Variants in CDK5 observed in about 807,000 individuals in gnomAD.
CDK5 encodes cyclin dependent kinase 5, also known as cyclin-dependent kinase 5.
CDK5 carries 18 observed loss-of-function variants against 44.6 expected under a neutral mutation model. That is an observed-to-expected ratio of 0.40 (90% CI 0.28 to 0.60). The LOEUF (loss-of-function observed/expected upper bound fraction) is 0.60, where lower values mean the gene tolerates loss of function less well. CDK5 is among the 20% of genes least tolerant of loss of function. CDK5 has a pLI of 0.38. For missense variants in CDK5, 198 were observed against 368.1 expected (o/e 0.54, Z 3.78); for synonymous variants, 143 against 152.8 (o/e 0.94, Z 0.47).
chr7:151,054,919 C>A lies in CDK5; in HGVS notation c.650+108G>T. 1.8e-6 allele frequency: 2 copies of A among 1,093,828 alleles called. No individual in the cohort carries two copies. The highest frequency in any genetic ancestry group is 1.3e-5 in the South Asian group (1 of 74,988). 67.8% of individuals were successfully genotyped at this position (1,093,828 alleles called of 1,614,324 possible). Reference sequence around the variant, plus strand: ...CCCCTTGCCCTCAGGAGAAGCCCTACAGACCCCATCACCCTACCCCACACC... The same window carrying A: ...CCCCTTGCCCTCAGGAGAAGCCCTAAAGACCCCATCACCCTACCCCACACC... On this transcript the variant is annotated intron_variant, in intron 9 of 11. Coordinates refer to ENST00000485972, the MANE Select transcript of CDK5 (RefSeq NM_004935.4). This position sits in a 1 kb window ranked among gnomAD's most constrained non-coding sequence, Gnocchi z 5.7.
chr7:151,055,152 G>A lies in CDK5; in HGVS notation c.581-56C>T, dbSNP rs560617148. 22 of 1,583,760 alleles carry A rather than the reference G, an allele frequency of 1.4e-5. No homozygotes were observed. The South Asian group carries it at 1.8e-4, about 13-fold the overall frequency. The stretch of plus-strand genomic sequence containing the variant: ...CATGTGAAGGACCCCTCACTCTGAG[G>A]TACCCCCTGACCTTCCAGCTCCAGT... On this transcript the variant is annotated intron_variant, in intron 8 of 11. Transcript: ENST00000485972.
Position 151,057,665 on chromosome 7 carries a change from C to A in CDK5, c.37+147G>T. On this transcript the variant is annotated intron_variant, in intron 1 of 11. Coordinates refer to ENST00000485972, the MANE Select transcript of CDK5 (RefSeq NM_004935.4). The surrounding 1 kb of genome is among the most constrained non-coding windows in gnomAD (Gnocchi z 5.2). ...AACACGGGGAAGACTGGTGTCTGCA[C>A]GGAGTGCTGAGCTAGGGGGCCAGGG... 1 of 833,880 alleles carries A rather than the reference C, an allele frequency of 1.2e-6. No homozygotes were observed. Among genetic ancestry groups the A allele is most frequent in the Non-Finnish European group, 2.0e-6 (1 of 502,048 alleles). The allele number at this position is 833,880 out of a possible 1,614,324, so 51.7% of individuals were successfully genotyped here. A position where few individuals can be genotyped will look rare whatever the true frequency, so the allele number is the denominator to read the frequency against.
At chr7:151,055,223 A>G (rs1007145014) in intron 8 of CDK5, 54 bp downstream of exon 8, 19 of 1,577,572 alleles carry the variant, frequency 1.2e-5, no homozygotes, top group Middle Eastern at 1.7e-4. Flanking sequence ...TCCAGACCCT[A>G]TTTGTCAACT....
At position 151,057,699 on chromosome 7, in the gene CDK5, G is replaced by A; in HGVS notation, c.37+113C>T. ...GAGCTAGGGGGCCAGGGCTGCAGCCGCTGCTGAGATCGGAGCCTGTAGGCA... is the reference window on the plus strand; with the variant it reads ...GAGCTAGGGGGCCAGGGCTGCAGCCACTGCTGAGATCGGAGCCTGTAGGCA... On this transcript the variant is annotated intron_variant, in intron 1 of 11. Transcript: ENST00000485972. The surrounding 1 kb of genome is among the most constrained non-coding windows in gnomAD (Gnocchi z 5.2). 4 of 1,179,066 alleles carry A rather than the reference G, an allele frequency of 3.4e-6. No individual in the cohort carries two copies. Among genetic ancestry groups the A allele is most frequent in the South Asian group, 2.6e-5 (2 of 76,878 alleles). The allele number at this position is 1,179,066 out of a possible 1,614,324, so 73.0% of individuals were successfully genotyped here.
In CDK5 at chr7:151,056,665, G is replaced by A. The variant is rs546262888; in HGVS notation, c.256-29C>T. On this transcript the variant is annotated intron_variant, in intron 4 of 11. Coordinates refer to ENST00000485972, the MANE Select transcript of CDK5 (RefSeq NM_004935.4). The surrounding 1 kb of genome is among the most constrained non-coding windows in gnomAD (Gnocchi z 4.7). ...AAAAGGGATATGAGTGGGGGAATGG[G>A]ACAGAGTTTAACCTCAATCTGGGCC... 1.2e-5 allele frequency: 19 copies of A among 1,611,812 alleles called. No individual in the cohort carries two copies. The South Asian group carries it at 2.0e-4, about 17-fold the overall frequency.
In CDK5 at chr7:151,056,853, G is replaced by A. The variant is rs950885523; in HGVS notation, c.194+55C>T. ...TCCGCCTGACAGACGTCCAGTGTCAGCCCCCGCCTCCCCCAAGCGGCCACA... is the reference window on the plus strand; with the variant it reads ...TCCGCCTGACAGACGTCCAGTGTCAACCCCCGCCTCCCCCAAGCGGCCACA... On this transcript the variant is annotated intron_variant, in intron 3 of 11. Coordinates refer to ENST00000485972, the MANE Select transcript of CDK5 (RefSeq NM_004935.4). This position sits in a 1 kb window ranked among gnomAD's most constrained non-coding sequence, Gnocchi z 4.7. 23 of 1,592,842 alleles carry A rather than the reference G, an allele frequency of 1.4e-5. No homozygotes were observed. The Admixed American group carries it at 3.8e-4, about 26-fold the overall frequency.
At position 151,057,177 on chromosome 7, in the gene CDK5, A is replaced by G. The variant is rs780698131; in HGVS notation, c.38-17T>C. 30 of 1,600,242 alleles carry G rather than the reference A, an allele frequency of 1.9e-5. No individual in the cohort carries two copies. The South Asian group carries it at 3.0e-4, about 16-fold the overall frequency. ...CGTAGGTGCCTAGGGGAAGGAGGTC[A>G]GGGGTCAGGGTGAGGATGCGGCACT... is the stretch of plus-strand genomic sequence containing the variant. On this transcript the variant is annotated splice_polypyrimidine_tract_variant and intron_variant, in intron 1 of 11. Coordinates refer to ENST00000485972, the MANE Select transcript of CDK5 (RefSeq NM_004935.4). The surrounding 1 kb of genome is among the most constrained non-coding windows in gnomAD (Gnocchi z 5.2).
Position 151,057,127 on chromosome 7 carries a change from C to G in CDK5, c.71G>C (p.Arg24Pro). Residue 24 changes from arginine (R) to proline (P), a missense_variant, in exon 2 of 12, where the codon CGG (arginine) becomes CCG (proline). Around this residue, in one of 4 missense-constraint regions of CDK5, gnomAD observed 53 missense variants for 122.7 expected, o/e 0.43. Transcript: ENST00000485972. The surrounding 1 kb of genome is among the most constrained non-coding windows in gnomAD (Gnocchi z 5.2). The part of the protein sequence containing the change: ...TYGTVFKAKN[R>P]ETHEIVALKR... ...CAGAGCCACGATCTCATGAGTCTCCCGGTTTTTGGCCTTGAACACAGTTCC... is the reference window on the plus strand; with the variant it reads ...CAGAGCCACGATCTCATGAGTCTCCGGGTTTTTGGCCTTGAACACAGTTCC... The G allele has an allele frequency of 1.2e-6, 2 of 1,613,958 alleles. No individual in the cohort carries two copies. The highest frequency in any genetic ancestry group is 1.3e-5 in the African/African-American group (1 of 75,044).
chr7:151,053,930 G>C lies in CDK5; in HGVS notation c.*79C>G. 1 of 1,273,500 alleles carries C rather than the reference G, an allele frequency of 7.9e-7. No homozygotes were observed. The highest frequency in any genetic ancestry group is 1.1e-6 in the Non-Finnish European group (1 of 910,188). The allele number at this position is 1,273,500 out of a possible 1,614,324, so 78.9% of individuals were successfully genotyped here. Reference sequence around the variant, plus strand: ...GCACTGCTGGAGCACAGCGCACCAGGCACCCCCACTGTCTCACCCCTCTCA... The same window carrying C: ...GCACTGCTGGAGCACAGCGCACCAGCCACCCCCACTGTCTCACCCCTCTCA... On this transcript the variant is annotated 3_prime_UTR_variant, in exon 12 of 12. Transcript: ENST00000485972.
rs927039330 is a variant in CDK5 at position 151,057,548 on chromosome 7, G to A, written c.37+264C>T. On this transcript the variant is annotated intron_variant, in intron 1 of 11. Coordinates refer to ENST00000485972, the MANE Select transcript of CDK5 (RefSeq NM_004935.4). This position sits in a 1 kb window ranked among gnomAD's most constrained non-coding sequence, Gnocchi z 5.2. The stretch of plus-strand genomic sequence containing the variant: ...GTGAGGTTGTCCAAGTGCTGCTGAG[G>A]CTGGGGTGAGAAATTTCAGGAAGTG... 8 of 607,904 alleles carry A rather than the reference G, an allele frequency of 1.3e-5. No homozygotes were observed. The highest frequency in any genetic ancestry group is 2.0e-5 in the Non-Finnish European group (7 of 341,712). 37.7% of individuals were successfully genotyped at this position (607,904 alleles called of 1,614,324 possible). A position where few individuals can be genotyped will look rare whatever the true frequency, so the allele number is the denominator to read the frequency against.
Position 151,055,380 on chromosome 7 carries a change from G to A in CDK5, c.484-7C>T. On this transcript the variant is annotated splice_region_variant and splice_polypyrimidine_tract_variant and intron_variant, in intron 7 of 11. Transcript: ENST00000485972. The stretch of plus-strand genomic sequence containing the variant: ...GGTACCACAGTGTGACCACCTGGAG[G>A]AGACCCCCCCCGAAAGGGACCTCCC... The A allele has an allele frequency of 6.2e-7, 1 of 1,610,856 alleles. No individual in the cohort carries two copies. The highest frequency in any genetic ancestry group is 8.5e-7 in the Non-Finnish European group (1 of 1,177,164).
At chr7:151,055,130 G>A in intron 8 of CDK5, 34 bp from the exon 9 acceptor site, 1 of 1,597,994 alleles carries the variant, frequency 6.3e-7, no homozygotes, top group Non-Finnish European at 8.5e-7. Flanking sequence ...GATGTGACAT[G>A]TGAAGGACCC....
rs1796903290 is a variant in CDK5 at position 151,056,765 on chromosome 7, G to C, written c.226C>G (p.Leu76Val). 1.2e-6 allele frequency: 2 copies of C among 1,612,678 alleles called. No homozygotes were observed. Among genetic ancestry groups the C allele is most frequent in the Non-Finnish European group, 1.7e-6 (2 of 1,179,426 alleles). ...LHDVLHSDKK[L>V]TLVFEFCDQD... Reference sequence around the variant, plus strand: ...TCACAGAATTCAAAAACCAAAGTCAGCTTCTTGTCGCTGTGCAGGACGTCA... The same window carrying C: ...TCACAGAATTCAAAAACCAAAGTCACCTTCTTGTCGCTGTGCAGGACGTCA... The change falls in exon 4 of 12, where the codon CTG (leucine) becomes GTG (valine). Residue 76 changes from leucine (L) to valine (V), a missense_variant. By Grantham distance (32) the Leu-to-Val change is conservative. Transcript: ENST00000485972. This position sits in a 1 kb window ranked among gnomAD's most constrained non-coding sequence, Gnocchi z 4.7.
chr7:151,054,051 C>G lies in CDK5; in HGVS notation c.837G>C (p.Glu279Asp). The change falls in exon 12 of 12, where the codon GAG becomes GAC. Residue 279 changes from glutamate to aspartate, a missense_variant. Transcript: ENST00000485972. The surrounding 1 kb of genome is among the most constrained non-coding windows in gnomAD (Gnocchi z 5.7). Reference sequence around the variant, plus strand: ...CGGAGAAGTAGGGGTGCTGCAGGGCCTCTTCTGCTGAGATACGCTGGACAG... The same window carrying G: ...CGGAGAAGTAGGGGTGCTGCAGGGCGTCTTCTGCTGAGATACGCTGGACAG... ...CNPVQRISAE[E>D]ALQHPYFSDF... The G allele has an allele frequency of 1.2e-6, 2 of 1,602,182 alleles. No homozygotes were observed. The highest frequency in any genetic ancestry group is 1.3e-5 in the African/African-American group (1 of 74,830).
rs745860943 is a variant in CDK5, at chr7:151,054,082, C to T, written c.806G>A (p.Cys269Tyr). ...TGCTGAGATACGCTGGACAGGGTTACACTTCAGAAGGTTCTGGAGATGGGG... is the reference window on the plus strand; with the variant it reads ...TGCTGAGATACGCTGGACAGGGTTATACTTCAGAAGGTTCTGGAGATGGGG... ...GRDLLQNLLKCNPVQRISAEE... is the reference protein window; with the variant it reads ...GRDLLQNLLKYNPVQRISAEE... The change falls in exon 12 of 12, where the codon TGT becomes TAT. Residue 269 changes from cysteine to tyrosine, a missense_variant. Cys to Tyr is a radical substitution (Grantham distance 194, BLOSUM62 -2). Coordinates refer to ENST00000485972, the MANE Select transcript of CDK5 (RefSeq NM_004935.4). This position sits in a 1 kb window ranked among gnomAD's most constrained non-coding sequence, Gnocchi z 5.7. The T allele has an allele frequency of 1.9e-6, 3 of 1,601,254 alleles. No homozygotes were observed. The highest frequency in any genetic ancestry group is 2.6e-6 in the Non-Finnish European group (3 of 1,173,994).
rs561324088 is a variant in CDK5 at position 151,054,344 on chromosome 7, G to A, written c.712-52C>T. The A allele has an allele frequency of 1.9e-6, 3 of 1,611,826 alleles. No homozygotes were observed. The South Asian group carries it at 3.3e-5, about 18-fold the overall frequency. On this transcript the variant is annotated intron_variant, in intron 10 of 11. Coordinates refer to ENST00000485972, the MANE Select transcript of CDK5 (RefSeq NM_004935.4). The surrounding 1 kb of genome is among the most constrained non-coding windows in gnomAD (Gnocchi z 5.7). Reference sequence around the variant, plus strand: ...TAGAGGTAGGGGGAGGGGGATGGAGGCGCTAGGAATGTGAAACGAGTGACC... The same window carrying A: ...TAGAGGTAGGGGGAGGGGGATGGAGACGCTAGGAATGTGAAACGAGTGACC...
rs554235263 is a variant in CDK5 at position 151,053,933 on chromosome 7, C to T, written c.*76G>A. The T allele has an allele frequency of 9.2e-6, 12 of 1,307,600 alleles. No individual in the cohort carries two copies. Among genetic ancestry groups the T allele is most frequent in the African/African-American group, 7.3e-5 (5 of 68,178 alleles). The allele number at this position is 1,307,600 out of a possible 1,614,324, so 81.0% of individuals were successfully genotyped here. ...CTGCTGGAGCACAGCGCACCAGGCA[C>T]CCCCACTGTCTCACCCCTCTCAAGA... On this transcript the variant is annotated 3_prime_UTR_variant, in exon 12 of 12. Coordinates refer to ENST00000485972, the MANE Select transcript of CDK5 (RefSeq NM_004935.4).
At position 151,056,718 on chromosome 7, in the gene CDK5, C is replaced by A; in HGVS notation, c.255+18G>T. The A allele has an allele frequency of 1.9e-6, 3 of 1,612,734 alleles. No individual in the cohort carries two copies. The highest frequency in any genetic ancestry group is 2.5e-6 in the Non-Finnish European group (3 of 1,179,318). On this transcript the variant is annotated intron_variant, in intron 4 of 11. Coordinates refer to ENST00000485972, the MANE Select transcript of CDK5 (RefSeq NM_004935.4). This position sits in a 1 kb window ranked among gnomAD's most constrained non-coding sequence, Gnocchi z 4.7. The stretch of plus-strand genomic sequence containing the variant: ...TATACCTTCCCAAGGCTACTGTCCT[C>A]CAAACCCCGCCTTTCACCTGGTCAC...
rs1387265117 is a variant in CDK5, at chr7:151,054,327, G to C, written c.712-35C>G. The C allele has an allele frequency of 6.2e-7, 1 of 1,612,446 alleles. No individual in the cohort carries two copies. The highest frequency in any genetic ancestry group is 1.1e-5 in the South Asian group (1 of 91,018). ...GGCAGGGAGGGTCAGACTAGAGGTA[G>C]GGGGAGGGGGATGGAGGCGCTAGGA... On this transcript the variant is annotated intron_variant, in intron 10 of 11. Transcript: ENST00000485972. The surrounding 1 kb of genome is among the most constrained non-coding windows in gnomAD (Gnocchi z 5.7).
Sources: gnomAD v4.1 joint callset for allele counts on GRCh38, gnomAD v4.1.1 for gene constraint, gnomAD v4.1.1 regional missense constraint, Gnocchi (gnomAD v3.1) non-coding constraint, MANE v1.5 for transcripts, NCBI Gene and HGNC (gene_info 2026-07-23, HGNC 2026-07-21) for gene names.